The following CSNK1G1 variants were observed in gnomAD, a reference collection of about 807,000 sequenced individuals.
CSNK1G1 encodes casein kinase 1 gamma 1.
A neutral mutation model predicts 59.6 loss-of-function variants in CSNK1G1; 22 were observed. The ratio of observed to expected loss-of-function variants is 0.37; its 90% confidence interval spans 0.26 to 0.53. The LOEUF is 0.53. CSNK1G1 is among the 20% of genes least tolerant of loss of function. CSNK1G1 has a pLI of 0.89. For synonymous variants in CSNK1G1, 179 were observed against 177.1 expected, an observed-to-expected ratio of 1.01 and a Z score of -0.08; for missense variants, 384 against 519.5, an observed-to-expected ratio of 0.74 and a Z score of 2.54.
rs747668980 is a variant in CSNK1G1, at chr15:64,188,449, G to T, written c.1108-7995C>A. 2 of 1,536,154 alleles carry T rather than the reference G, an allele frequency of 1.3e-6. No homozygotes were observed. Among genetic ancestry groups the T allele is most frequent in the South Asian group, 2.4e-5 (2 of 84,060 alleles). ...GAGGTATTGGTCTGCCGGCTGGGCT[G>T]AATTTCCCACTCTCCTCGGCGCTCT... On this transcript the variant is annotated intron_variant, in intron 10 of 11. Transcript: ENST00000303052. The surrounding 1 kb of genome is among the most constrained non-coding windows in gnomAD (Gnocchi z 4.2).
intron 2 of CSNK1G1, among the ~76,000 whole-genome samples, chr15:64,268,558 A>G (rs1469869029): frequency 6.6e-6 from 1 of 152,066 alleles, no homozygotes; most frequent in East Asian, 1.9e-4. Context: ...TCTTCTGGGT[A>G]CTCCAGTTTC....
chr15:64,222,436 CCAAAAAA>C (rs2082401805), intron 4 of CSNK1G1, among the ~76,000 whole-genome samples: 9 of 114,656 alleles, frequency 7.8e-5, no homozygotes, highest in Non-Finnish European at 3.4e-5. Flanking sequence ...AACAACACCA[CCAAAAAA>C]AAAAAAAAAA....
intron 1 of CSNK1G1, among the ~76,000 whole-genome samples, chr15:64,306,045 T>C (rs1895669232): frequency 1.3e-5 from 2 of 152,186 alleles, no homozygotes; most frequent in Non-Finnish European, 2.9e-5. Context: ...ACTCCTACTA[T>C]ATGCCATAGG....
At chr15:64,239,159 A>C (rs1469109428) in intron 4 of CSNK1G1, among the ~76,000 whole-genome samples, 1 of 152,202 alleles carries the variant, frequency 6.6e-6, no homozygotes, top group Non-Finnish European at 1.5e-5. Flanking sequence ...TTTGTCTATC[A>C]AAGCCACTCT....
At chr15:64,344,459 T>A (rs1362145343) in intron 1 of CSNK1G1, among the ~76,000 whole-genome samples, 1 of 152,222 alleles carries the variant, frequency 6.6e-6, no homozygotes, top group East Asian at 1.9e-4. Flanking sequence ...TGCAGCCAAA[T>A]GTGTGCTCAT....
At position 64,188,416 on chromosome 15, in the gene CSNK1G1, T is replaced by G. The variant is rs905952258; in HGVS notation, c.1108-7962A>C. ...TGGCGGTCTGCAGCCAAGTGAGACG[T>G]TAGGTATGAGGTATTGGTCTGCCGG... is the stretch of plus-strand genomic sequence containing the variant. On this transcript the variant is annotated intron_variant, in intron 10 of 11. Coordinates refer to ENST00000303052, the MANE Select transcript of CSNK1G1 (RefSeq NM_022048.5). This position sits in a 1 kb window ranked among gnomAD's most constrained non-coding sequence, Gnocchi z 4.2. 1.4e-5 allele frequency: 21 copies of G among 1,535,948 alleles called. No individual in the cohort carries two copies. Among genetic ancestry groups the G allele is most frequent in the Non-Finnish European group, 1.7e-5 (20 of 1,146,900 alleles).
At position 64,278,068 on chromosome 15, in the gene CSNK1G1, T is replaced by C. The variant is rs562041282; in HGVS notation, c.182-18827A>G. Among the ~76,000 whole-genome samples the C allele has an allele frequency of 3.2e-3, 483 of 149,906 alleles. 1 individual carries two copies. Among genetic ancestry groups the C allele is most frequent in the African/African-American group, 0.011 (472 of 41,136 alleles). ...ATTAAAATATATATATTTTTTGAGA[T>C]GGAGTCTCACTCTGTTGCCCAGGCT... On this transcript the variant is annotated intron_variant, in intron 2 of 11. Coordinates refer to ENST00000303052, the MANE Select transcript of CSNK1G1 (RefSeq NM_022048.5).
chr15:64,244,237 GA>G (rs961117763), intron 4 of CSNK1G1, among the ~76,000 whole-genome samples: 5 of 150,950 alleles, frequency 3.3e-5, no homozygotes, highest in African/African-American at 1.2e-4. Flanking sequence ...CAAACTAGTG[GA>G]AAAAAATCAA....
intron 4 of CSNK1G1, among the ~76,000 whole-genome samples, chr15:64,250,818 T>C (rs546672958): frequency 1.3e-5 from 2 of 152,088 alleles, no homozygotes; most frequent in Non-Finnish European, 2.9e-5. Context: ...CCTGTCACAG[T>C]GAAGGGGGCA....
intron 4 of CSNK1G1, among the ~76,000 whole-genome samples, chr15:64,228,986 A>C (rs922467969): frequency 2.1e-5 from 3 of 142,384 alleles, no homozygotes; most frequent in Admixed American, 7.1e-5. Context: ...ACCGCTGTAC[A>C]CCAGCCTGGG....
intron 4 of CSNK1G1, among the ~76,000 whole-genome samples, chr15:64,220,941 G>C (rs996469362): frequency 6.6e-6 from 1 of 152,186 alleles, no homozygotes; most frequent in Non-Finnish European, 1.5e-5. Flanking sequence ...CAGACATCTT[G>C]ACGATGTAAA....
At chr15:64,269,271 T>C (rs1893149647) in intron 2 of CSNK1G1, among the ~76,000 whole-genome samples, 1 of 152,202 alleles carries the variant, frequency 6.6e-6, no homozygotes, top group Non-Finnish European at 1.5e-5. Context: ...AGTTCTTCTT[T>C]ACATATCCAG....
chr15:64,237,973 C>T (rs1412630609), intron 4 of CSNK1G1, among the ~76,000 whole-genome samples: 1 of 152,168 alleles, frequency 6.6e-6, no homozygotes, highest in East Asian at 1.9e-4. Context: ...CAGTTGTATA[C>T]ATGGCACATG....
At chr15:64,279,148 C>A (rs1893983243) in intron 2 of CSNK1G1, among the ~76,000 whole-genome samples, 1 of 152,172 alleles carries the variant, frequency 6.6e-6, no homozygotes, top group Admixed American at 6.5e-5. Flanking sequence ...AACTTACATG[C>A]AGTAAAGCAC....
At chr15:64,280,122 C>T (rs999244178) in intron 2 of CSNK1G1, among the ~76,000 whole-genome samples, 4 of 152,056 alleles carry the variant, frequency 2.6e-5, no homozygotes, top group Non-Finnish European at 4.4e-5. Context: ...CATTAGAGGA[C>T]GATACTGTTA....
At chr15:64,316,656 T>A (rs1184384912) in intron 1 of CSNK1G1, among the ~76,000 whole-genome samples, 1 of 150,438 alleles carries the variant, frequency 6.6e-6, no homozygotes, top group Non-Finnish European at 1.5e-5. Flanking sequence ...AAAAAAGAAG[T>A]AAAAACTAAA....
At chr15:64,313,968 A>G (rs887299572) in intron 1 of CSNK1G1, among the ~76,000 whole-genome samples, 8 of 152,194 alleles carry the variant, frequency 5.3e-5, no homozygotes, top group African/African-American at 1.9e-4. Context: ...CTTGACATAT[A>G]CAGCTCCTCT....
At chr15:64,255,543 A>T (rs1892330580) in intron 3 of CSNK1G1, among the ~76,000 whole-genome samples, 1 of 152,218 alleles carries the variant, frequency 6.6e-6, no homozygotes, top group African/African-American at 2.4e-5. Flanking sequence ...GCAAAAAAAT[A>T]AAAAAGCTCC....
intron 2 of CSNK1G1, among the ~76,000 whole-genome samples, chr15:64,268,510 T>A (rs1362955927): frequency 6.6e-6 from 1 of 152,210 alleles, no homozygotes; most frequent in East Asian, 1.9e-4. Context: ...CTACCATCTG[T>A]GTAGAGTTTG....
Sources: allele counts gnomAD v4.1 joint callset (sites outside exome capture counted in the v4.1 genomes callset), GRCh38; gene constraint gnomAD v4.1.1; non-coding constraint Gnocchi (gnomAD v3.1); transcripts MANE v1.5; gene names NCBI Gene and HGNC (gene_info 2026-07-23, HGNC 2026-07-21).